LURAP1L: variants seen among roughly 807,000 people sequenced by gnomAD.
The protein encoded by LURAP1L is leucine rich adaptor protein 1-like.
In LURAP1L, 12 loss-of-function variants were observed where a neutral mutation model predicts 13.8. The ratio of observed to expected loss-of-function variants is 0.87; its 90% confidence interval spans 0.56 to 1.41. LURAP1L has a LOEUF of 1.41. LURAP1L is among the 40% of genes most tolerant of loss of function. The pLI is 0.00. For synonymous variants in LURAP1L, 139 were observed against 119.2 expected (o/e 1.17, Z -1.08); for missense variants, 375 against 292.9 (o/e 1.28, Z -2.04).
At chr9:12,816,535 T>A (rs960718608) in intron 1 of LURAP1L, among the ~76,000 whole-genome samples, 2 of 152,190 alleles carry the variant, frequency 1.3e-5, no homozygotes. Context: ...CGACTGCATT[T>A]TTTTCTTAGA....
chr9:12,809,810 C>T (rs1586885699), intron 1 of LURAP1L, among the ~76,000 whole-genome samples: 1 of 152,164 alleles, frequency 6.6e-6, no homozygotes, highest in Admixed American at 6.5e-5. Context: ...GTGTCAGAGA[C>T]TAAAATTTCC....
chr9:12,797,898 G>C (rs960194455), intron 1 of LURAP1L, among the ~76,000 whole-genome samples: 1 of 151,872 alleles, frequency 6.6e-6, no homozygotes, highest in Non-Finnish European at 1.5e-5. Context: ...CATTTTGTTT[G>C]TTTTCTTTTT....
rs558684738 is a variant in LURAP1L, at chr9:12,798,239, G to A, written c.312+22212G>A. Among the ~76,000 whole-genome samples, 219 of 152,252 alleles carry A rather than the reference G, an allele frequency of 1.4e-3. 1 individual carries two copies. Among genetic ancestry groups the A allele is most frequent in the African/African-American group, 5.1e-3 (212 of 41,578 alleles). ...GCTGGGCGTCTGGACATGTCCTGATGAGCTCATCATGTGCCATCTGCTTCA... is the reference window on the plus strand; with the variant it reads ...GCTGGGCGTCTGGACATGTCCTGATAAGCTCATCATGTGCCATCTGCTTCA... On this transcript the variant is annotated intron_variant, in intron 1 of 1. Coordinates refer to ENST00000319264, the MANE Select transcript of LURAP1L (RefSeq NM_203403.2).
chr9:12,813,300 G>C (rs978874278), intron 1 of LURAP1L, among the ~76,000 whole-genome samples: 5 of 151,818 alleles, frequency 3.3e-5, no homozygotes, highest in African/African-American at 1.2e-4. Context: ...TTAAAACAAA[G>C]GTAATAAATA....
At chr9:12,777,098 A>G in intron 1 of LURAP1L, 6 of 338,806 alleles carry the variant, frequency 1.8e-5, no homozygotes, top group Non-Finnish European at 2.5e-5. Flanking sequence ...AAAGTAGGCT[A>G]GGAGATTTCT....
In LURAP1L at chr9:12,821,169, CT is replaced by C. The variant is rs1251487725; in HGVS notation, c.313-213del. On this transcript the variant is annotated intron_variant, in intron 1 of 1. Coordinates refer to ENST00000319264, the MANE Select transcript of LURAP1L (RefSeq NM_203403.2). Reference sequence around the variant, plus strand: ...GGATGCAGCAGGGGTTTTATTGTGCCTTTTGGAGCCTGATGCATCTGGCAGG... The same window carrying C: ...GGATGCAGCAGGGGTTTTATTGTGCCTTTGGAGCCTGATGCATCTGGCAGG... Among the ~76,000 whole-genome samples the C allele has an allele frequency of 3.3e-5, 5 of 152,210 alleles. No homozygotes were observed. The East Asian group carries it at 9.6e-4, about 29-fold the overall frequency.
intron 1 of LURAP1L, among the ~76,000 whole-genome samples, chr9:12,779,367 C>A (rs1211857548): frequency 6.6e-6 from 1 of 150,944 alleles, no homozygotes; most frequent in Non-Finnish European, 1.5e-5. Context: ...CTCCGCCTCC[C>A]AGGTTCAGGC....
intron 1 of LURAP1L, among the ~76,000 whole-genome samples, chr9:12,820,970 G>A (rs1384374458): frequency 1.3e-5 from 2 of 152,172 alleles, no homozygotes; most frequent in African/African-American, 4.8e-5. Context: ...CTTCTACGAT[G>A]CTGAGGATGA....
intron 1 of LURAP1L, among the ~76,000 whole-genome samples, chr9:12,788,216 A>G (rs912174844): frequency 2.1e-5 from 3 of 146,146 alleles, no homozygotes; most frequent in Non-Finnish European, 3.0e-5. Flanking sequence ...GAAAAGCTCA[A>G]TGTGTTTCTC....
chr9:12,786,861 G>A (rs942045957), intron 1 of LURAP1L, among the ~76,000 whole-genome samples: 8 of 151,734 alleles, frequency 5.3e-5, no homozygotes, highest in Non-Finnish European at 1.0e-4. Context: ...TGATTGGGAA[G>A]GCATAGAATC....
chr9:12,803,109 C>T (rs1227445193), intron 1 of LURAP1L, among the ~76,000 whole-genome samples: 5 of 152,174 alleles, frequency 3.3e-5, no homozygotes, highest in African/African-American at 1.2e-4. Flanking sequence ...TTTCCATGTG[C>T]CACTTTAGAA....
At chr9:12,817,263 C>G (rs528815675) in intron 1 of LURAP1L, among the ~76,000 whole-genome samples, 1 of 152,128 alleles carries the variant, frequency 6.6e-6, no homozygotes, top group African/African-American at 2.4e-5. Flanking sequence ...ACAGCAAAAC[C>G]CGAGATTCCA....
chr9:12,779,387 G>T lies in LURAP1L; in HGVS notation c.312+3360G>T, dbSNP rs1225977455. Among the ~76,000 whole-genome samples, 3 of 143,572 alleles carry T rather than the reference G, an allele frequency of 2.1e-5. No individual in the cohort carries two copies. In the Admixed American group the frequency reaches 2.3e-4, roughly 11 times the overall value. 94.2% of individuals were successfully genotyped at this position (143,572 alleles called of 152,430 possible). On this transcript the variant is annotated intron_variant, in intron 1 of 1. Coordinates refer to ENST00000319264, the MANE Select transcript of LURAP1L (RefSeq NM_203403.2). ...CCTCCCAGGTTCAGGCCATTCTCCT[G>T]CCTCAGCCTCCCAAGTAGCTGGGAC...
chr9:12,805,537 A>C (rs141924102), intron 1 of LURAP1L, among the ~76,000 whole-genome samples: 1,705 of 152,304 alleles, frequency 0.011, 32 homozygotes, highest in Non-Finnish European at 0.012. Flanking sequence ...CTTTTCAGTG[A>C]AAAATGAATG....
At chr9:12,786,575 T>TATATATATATATATATAC (rs1409561310) in intron 1 of LURAP1L, among the ~76,000 whole-genome samples, 49 of 128,666 alleles carry the variant, frequency 3.8e-4, no homozygotes, top group Non-Finnish European at 7.7e-4. Context: ...TATATATATA[T>TATATATATATATATATAC]ATATATAAAC....
chr9:12,781,850 G>A (rs922025366), intron 1 of LURAP1L, among the ~76,000 whole-genome samples: 2 of 152,192 alleles, frequency 1.3e-5, no homozygotes, highest in African/African-American at 4.8e-5. Context: ...CTCCATAGTG[G>A]CTATGCTAAT....
chr9:12,786,566 ATATATATATATAT>A (rs1563888367), intron 1 of LURAP1L, among the ~76,000 whole-genome samples: 15 of 123,312 alleles, frequency 1.2e-4, no homozygotes, highest in South Asian at 6.1e-4. Context: ...ATATATATAT[ATATATATATATAT>A]ATAAACCCTT....
rs757005583 is a variant in LURAP1L at position 12,821,444 on chromosome 9, G to A, written c.371G>A (p.Ser124Asn). The A allele has an allele frequency of 5.0e-6, 8 of 1,614,118 alleles. No individual in the cohort carries two copies. In the South Asian group the frequency reaches 7.7e-5, roughly 16 times the overall value. ...CGCCAGTTGCTTGTAATCAATGAGA[G>A]CATCGAGTCCATCAAGTGGATGATC... is the stretch of plus-strand genomic sequence containing the variant. Reference protein sequence around the residue: ...LMRQLLVINESIESIKWMIEE... With the variant: ...LMRQLLVINENIESIKWMIEE... Residue 124 changes from serine (S) to asparagine (N), a missense_variant, in exon 2 of 2, where the codon AGC (serine) becomes AAC (asparagine). By Grantham distance (46) the Ser-to-Asn change is conservative. Transcript: ENST00000319264.
At chr9:12,792,814 G>C (rs1441170726) in intron 1 of LURAP1L, among the ~76,000 whole-genome samples, 2 of 151,988 alleles carry the variant, frequency 1.3e-5, no homozygotes, top group Non-Finnish European at 2.9e-5. Context: ...ACAACCCTGA[G>C]AAGTGAAACA....
Sources: gnomAD v4.1 joint callset for allele counts (sites outside exome capture counted in the v4.1 genomes callset) on GRCh38, gnomAD v4.1.1 for gene constraint, MANE v1.5 for transcripts, NCBI Gene and HGNC (gene_info 2026-07-23, HGNC 2026-07-21) for gene names.